The following HOXA10 variants were observed in gnomAD, a reference collection of about 807,000 sequenced individuals.
HOXA10 encodes the protein homeobox protein Hox-A10.
In HOXA10, 12 loss-of-function variants were observed where a neutral mutation model predicts 29.7. The ratio of observed to expected loss-of-function variants is 0.40; its 90% CI spans 0.26 to 0.65. HOXA10 has a LOEUF of 0.65. Ranked by LOEUF, HOXA10 falls within the 30% of genes least tolerant of loss-of-function variation. The pLI is 0.37. For synonymous variants in HOXA10, 327 were observed against 280.7 expected (o/e 1.16, Z -1.65); for missense variants, 656 against 585.9 (o/e 1.12, Z -1.24).
At position 27,173,722 on chromosome 7, in the gene HOXA10, C is replaced by A; in HGVS notation, c.585G>T (p.Pro195=). ...AAELAPFPRG[P]PPDGCALGTS... ...TGCCCAGGGCGCAGCCGTCGGGCGG[C>A]GGGCCCCGCGGGAAGGGAGCCAGTT... Residue 195 remains proline, a synonymous_variant, in exon 1 of 2, where the codon CCG becomes CCT. Coordinates refer to ENST00000283921, the MANE Select transcript of HOXA10 (RefSeq NM_018951.4). 6.3e-7 allele frequency: 1 copy of A among 1,583,602 alleles called. No homozygotes were observed. Among genetic ancestry groups the A allele is most frequent in the Non-Finnish European group, 8.6e-7 (1 of 1,165,772 alleles).
chr7:27,171,041 T>C lies in HOXA10; in HGVS notation c.*858A>G, dbSNP rs1387983143. The stretch of plus-strand genomic sequence containing the variant: ...GGAGAATTGTGGTGTGCTTGTCACA[T>C]GTTACCAGTGGTAACAATTTTAATG... On this transcript the variant is annotated 3_prime_UTR_variant, in exon 2 of 2. Transcript: ENST00000283921. 2.2e-6 allele frequency: 1 copy of C among 452,726 alleles called. No individual in the cohort carries two copies. Among genetic ancestry groups the C allele is most frequent in the South Asian group, 1.6e-5 (1 of 63,750 alleles). The allele number at this position is 452,726 out of a possible 1,614,324, so 28.0% of individuals were successfully genotyped here.
rs1224966039 is a variant in HOXA10, at chr7:27,173,770, G to C, written c.537C>G (p.Pro179=). 1.9e-6 allele frequency: 3 copies of C among 1,608,842 alleles called. No individual in the cohort carries two copies. ...GTTCGGCGGCGGTGGCCGAGACTTT[G>C]GGGCATTTGTCCGCCGAGTCGTAGA... ...YCLYDSADKC[P]KVSATAAELA... Residue 179 remains proline (P), a synonymous_variant, in exon 1 of 2, where the codon CCC becomes CCG. Coordinates refer to ENST00000283921, the MANE Select transcript of HOXA10 (RefSeq NM_018951.4).
At chr7:27,172,509 A>T in intron 1 of HOXA10, 1 of 378,510 alleles carries the variant, frequency 2.6e-6, no homozygotes, top group African/African-American at 2.1e-5. Flanking sequence ...GCCTCTTGCC[A>T]TATGGCAGAC....
intron 1 of HOXA10, 37 bp downstream of exon 1, chr7:27,173,312 T>C (rs753088525): frequency 1.2e-6 from 2 of 1,609,752 alleles, no homozygotes; most frequent in South Asian, 1.1e-5. Context: ...TCTGCCTGTC[T>C]GCCCGCCTGA....
rs1783519029 is a variant in HOXA10, at chr7:27,172,310, C to T, written c.959-137G>A. 3 of 897,006 alleles carry T rather than the reference C, an allele frequency of 3.3e-6. No homozygotes were observed. The East Asian group carries it at 7.7e-5, about 23-fold the overall frequency. 55.6% of individuals were successfully genotyped at this position (897,006 alleles called of 1,614,324 possible). A position where few individuals can be genotyped will look rare whatever the true frequency, so the allele number is the denominator to read the frequency against. ...AAGAGAGTCGTGCCCCCGTTTTTGGCTTGCTGAGAGCAAGCAGTTCCTCCA... is the reference window on the plus strand; with the variant it reads ...AAGAGAGTCGTGCCCCCGTTTTTGGTTTGCTGAGAGCAAGCAGTTCCTCCA... On this transcript the variant is annotated intron_variant, in intron 1 of 1. Transcript: ENST00000283921.
chr7:27,179,114 T>C (rs1232590995), upstream of HOXA10, among the ~76,000 whole-genome samples: 3 of 152,232 alleles, frequency 2.0e-5, no homozygotes, highest in Non-Finnish European at 2.9e-5. Flanking sequence ...AAAAATCACA[T>C]GCGACTTCTC....
chr7:27,177,250 G>A (rs1783668475), upstream of HOXA10, among the ~76,000 whole-genome samples: 1 of 152,258 alleles, frequency 6.6e-6, no homozygotes, highest in Non-Finnish European at 1.5e-5. Context: ...TTTCTGTGGT[G>A]AGCCAGATGT....
Position 27,173,911 on chromosome 7 carries a change from C to T in HOXA10, c.396G>A (p.Gly132=), listed in dbSNP as rs1181939532. The part of the protein sequence containing the change: ...PRSCRMEPPD[G]PPPPPQQQPP... ...GCTGCTGCTGGGGCGGCGGCGGCGG[C>T]CCGTCAGGCGGCTCCATCCGGCAAG... is the stretch of plus-strand genomic sequence containing the variant. Residue 132 remains glycine, a synonymous_variant, in exon 1 of 2, where the codon GGG becomes GGA. Transcript: ENST00000283921. The T allele has an allele frequency of 2.0e-6, 3 of 1,522,190 alleles. No individual in the cohort carries two copies. The highest frequency in any genetic ancestry group is 2.5e-5 in the East Asian group (1 of 39,684). 94.3% of individuals were successfully genotyped at this position (1,522,190 alleles called of 1,614,324 possible). A position where few individuals can be genotyped will look rare whatever the true frequency, so the allele number is the denominator to read the frequency against.
Position 27,172,094 on chromosome 7 carries a change from G to A in HOXA10, c.1038C>T (p.His346=), listed in dbSNP as rs1332132635. 1 of 1,614,068 alleles carries A rather than the reference G, an allele frequency of 6.2e-7. No homozygotes were observed. The highest frequency in any genetic ancestry group is 1.3e-5 in the African/African-American group (1 of 74,924). ...ACTCCTTCTCCAGCTCCAGTGTCTG[G>A]TGCTTCGTGTAGGGGCAGCGCTTCT... is the stretch of plus-strand genomic sequence containing the variant. The part of the protein sequence containing the change: ...GRKKRCPYTK[H]QTLELEKEFL... Residue 346 remains histidine, a synonymous_variant, in exon 2 of 2, where the codon CAC becomes CAT. Coordinates refer to ENST00000283921, the MANE Select transcript of HOXA10 (RefSeq NM_018951.4).
upstream of HOXA10, among the ~76,000 whole-genome samples, chr7:27,177,209 C>T (rs749242709): frequency 2.6e-5 from 4 of 152,244 alleles, no homozygotes; most frequent in African/African-American, 9.6e-5. Context: ...CCTCGCAAGC[C>T]GTGGCGTTGG....
Position 27,171,970 on chromosome 7 carries a change from T to G in HOXA10, c.1162A>C (p.Arg388=), listed in dbSNP as rs150730039. 20 of 1,614,024 alleles carry G rather than the reference T, an allele frequency of 1.2e-5. No homozygotes were observed. The highest frequency in any genetic ancestry group is 1.6e-5 in the Non-Finnish European group (19 of 1,179,966). The change falls in exon 2 of 2, where the codon AGG becomes CGG. Residue 388 remains arginine (R), a synonymous_variant. Coordinates refer to ENST00000283921, the MANE Select transcript of HOXA10 (RefSeq NM_018951.4). ...CGATTCATTTTCTTCAGTTTCATCC[T>G]GCGGTTCTGAAACCAGATTTTCACT... is the stretch of plus-strand genomic sequence containing the variant. ...RQVKIWFQNR[R]MKLKKMNREN...
Position 27,171,247 on chromosome 7 carries a change from A to G in HOXA10, c.*652T>C, listed in dbSNP as rs143721613. 20 of 454,096 alleles carry G rather than the reference A, an allele frequency of 4.4e-5. No individual in the cohort carries two copies. Among genetic ancestry groups the G allele is most frequent in the African/African-American group, 3.2e-4 (16 of 50,122 alleles). The allele number at this position is 454,096 out of a possible 1,614,324, so 28.1% of individuals were successfully genotyped here. On this transcript the variant is annotated 3_prime_UTR_variant, in exon 2 of 2. Transcript: ENST00000283921. ...CTTTTTTTTTCTTTTTAAAGCTGGG[A>G]TATCTTACAGAGGAAGGAAAAATTA...
exon 1 of HOXA10, chr7:27,179,691 C>A: frequency 3.9e-6 from 3 of 775,854 alleles, no homozygotes; most frequent in Middle Eastern, 2.3e-4. Context: ...CTGGCTTCTC[C>A]GCGCGGCGAC....
At chr7:27,172,664 A>C (rs1783530127) in intron 1 of HOXA10, 1 of 183,916 alleles carries the variant, frequency 5.4e-6, no homozygotes, top group African/African-American at 2.4e-5. Context: ...CCAATGGGGA[A>C]GGCAGGAAAA....
upstream of HOXA10, among the ~76,000 whole-genome samples, chr7:27,177,969 C>T (rs942686495): frequency 1.1e-4 from 17 of 152,228 alleles, no homozygotes; most frequent in Non-Finnish European, 2.5e-4. Context: ...AAACACCAGG[C>T]CCATGGATTA....
chr7:27,176,131 G>A (rs1390128313), upstream of HOXA10, among the ~76,000 whole-genome samples: 1 of 152,200 alleles, frequency 6.6e-6, no homozygotes, highest in Non-Finnish European at 1.5e-5. Flanking sequence ...GGAGGAGGAT[G>A]GAGAGAAAAA....
upstream of HOXA10, chr7:27,174,861 T>C (rs1450019817): frequency 6.5e-6 from 1 of 154,418 alleles, no homozygotes; most frequent in Admixed American, 6.3e-5. Context: ...CCTATGGCCG[T>C]CAGGATCCTC....
intron 1 of HOXA10, chr7:27,172,750 C>T (rs1253460814): frequency 1.2e-5 from 2 of 167,936 alleles, no homozygotes; most frequent in African/African-American, 4.8e-5. Flanking sequence ...ATTCCGAGGT[C>T]CAGGGGAAGG....
rs747721490 is a variant in HOXA10 at position 27,179,628 on chromosome 7, A to G, written c.10+18T>C. 3 of 777,942 alleles carry G rather than the reference A, an allele frequency of 3.9e-6. No individual in the cohort carries two copies. The South Asian group carries it at 4.1e-5, about 11-fold the overall frequency. The allele number at this position is 777,942 out of a possible 1,614,324, so 48.2% of individuals were successfully genotyped here. On this transcript the variant is annotated intron_variant, in intron 1 of 1. Transcript: ENST00000396344. ...CCCGCCCCACCAGACTGAAATTGCTAAACTTGTGGCCTCTTACCTTGACAC... is the reference window on the plus strand; with the variant it reads ...CCCGCCCCACCAGACTGAAATTGCTGAACTTGTGGCCTCTTACCTTGACAC...
Sources: gnomAD v4.1 joint callset for allele counts (sites outside exome capture counted in the v4.1 genomes callset) on GRCh38, gnomAD v4.1.1 for gene constraint, MANE v1.5 for transcripts, NCBI Gene and HGNC (gene_info 2026-07-23, HGNC 2026-07-21) for gene names.